SYNE1: variants seen among roughly 807,000 people sequenced by gnomAD.
SYNE1 encodes the protein nesprin-1.
Under a neutral mutation model 1,111.0 loss-of-function variants are expected in SYNE1, and 616 were observed. The observed-to-expected ratio is 0.55, with a 90% CI of 0.52 to 0.59. The LOEUF (loss-of-function observed/expected upper bound fraction) is 0.59, where lower values mean the gene tolerates loss of function less well. SYNE1 is among the 20% of genes least tolerant of loss of function. SYNE1 has a pLI of 0.00. For missense variants in SYNE1, 10,006 were observed against 10,417.0 expected, an observed-to-expected ratio of 0.96 and a Z score of 1.72; for synonymous variants, 3,855 against 3,825.8, an observed-to-expected ratio of 1.01 and a Z score of -0.28.
At chr6:152,326,793 T>TA (rs2096077530) in intron 78 of SYNE1, among the ~76,000 whole-genome samples, 160 bp from the exon 79 acceptor site, 1 of 152,236 alleles carries the variant, frequency 6.6e-6, no homozygotes, top group African/African-American at 2.4e-5. Flanking sequence ...GCCATCATCA[T>TA]TATCCTTGAT....
chr6:152,145,668 A>G (rs1563000689), intron 137 of SYNE1: 6 of 918,594 alleles, frequency 6.5e-6, no homozygotes, highest in Admixed American at 1.9e-5. Context: ...TTCTAGACAC[A>G]TAGCTCCTGA....
At chr6:152,552,090 A>G (rs1275186439) in intron 3 of SYNE1, among the ~76,000 whole-genome samples, 1 of 152,220 alleles carries the variant, frequency 6.6e-6, no homozygotes, top group East Asian at 1.9e-4. Context: ...TCCAATACCA[A>G]GAGTTTCAAC....
At chr6:152,363,449 G>C (rs549740763) in intron 63 of SYNE1, among the ~76,000 whole-genome samples, 3 of 150,832 alleles carry the variant, frequency 2.0e-5, no homozygotes, top group Non-Finnish European at 4.4e-5. Flanking sequence ...AGCCGAGATC[G>C]TGCCACTGCA....
rs576581618 is a variant in SYNE1, at chr6:152,419,412, T to G, written c.5421+157A>C. Among the ~76,000 whole-genome samples, 5 of 152,318 alleles carry G rather than the reference T, an allele frequency of 3.3e-5. No homozygotes were observed. The East Asian group carries it at 9.6e-4, about 29-fold the overall frequency. ...TAATTGGTCTGCATAATTCATTGCC[T>G]TAACTCATATGCTCAATTATTAAAA... is the stretch of plus-strand genomic sequence containing the variant. On this transcript the variant is annotated intron_variant, in intron 40 of 145. Coordinates refer to ENST00000367255, the MANE Select transcript of SYNE1 (RefSeq NM_182961.4).
At chr6:152,173,852 C>T (rs551440622) in intron 130 of SYNE1, among the ~76,000 whole-genome samples, 298 of 152,198 alleles carry the variant, frequency 2.0e-3, no homozygotes, top group African/African-American at 6.8e-3. Context: ...GCATGTGTAC[C>T]TTATAAACAT....
intron 130 of SYNE1, among the ~76,000 whole-genome samples, chr6:152,170,080 C>T (rs1257825183): frequency 1.3e-5 from 2 of 151,880 alleles, no homozygotes; most frequent in African/African-American, 4.8e-5. Context: ...GTCATAATTT[C>T]CTTAGTTTAA....
At position 152,352,060 on chromosome 6, in the gene SYNE1, T is replaced by C. The variant is rs762882750; in HGVS notation, c.11547A>G (p.Leu3849=). The stretch of plus-strand genomic sequence containing the variant: ...TAGATAACTGAGCTTTTTTCTCATA[T>C]AATTCCATTTTGGGTTCTTCAGGAA... ...LHVPEEPKME[L]YEKKAQLSKY... Residue 3849 remains leucine (L), a synonymous_variant, in exon 70 of 146, where the codon TTA becomes TTG. Transcript: ENST00000367255. The C allele has an allele frequency of 6.2e-7, 1 of 1,614,214 alleles. No individual in the cohort carries two copies. Among genetic ancestry groups the C allele is most frequent in the South Asian group, 1.1e-5 (1 of 91,080 alleles).
chr6:152,592,245 C>T (rs1401641291), intron 3 of SYNE1, among the ~76,000 whole-genome samples: 1 of 151,892 alleles, frequency 6.6e-6, no homozygotes, highest in East Asian at 1.9e-4. Context: ...TATCACTCTA[C>T]CAAAAAGACA....
chr6:152,353,526 A>G (rs1279265915), intron 68 of SYNE1, 63 bp downstream of exon 68: 1 of 1,613,602 alleles, frequency 6.2e-7, no homozygotes, highest in East Asian at 2.2e-5. Context: ...TGTTAGTGAA[A>G]GGAAGGCTAT....
At chr6:152,417,130 C>A (rs956946992) in intron 40 of SYNE1, 115 bp from the exon 41 acceptor site, 1 of 1,436,380 alleles carries the variant, frequency 7.0e-7, no homozygotes, top group Non-Finnish European at 9.6e-7. Flanking sequence ...TAGTATAGTA[C>A]TTAAAGGTCA....
intron 127 of SYNE1, among the ~76,000 whole-genome samples, chr6:152,191,943 T>G (rs1245561985): frequency 6.6e-6 from 1 of 152,222 alleles, no homozygotes; most frequent in East Asian, 1.9e-4. Flanking sequence ...GTATGTTGTG[T>G]TTCCATTATC....
chr6:152,337,061 A>G, intron 75 of SYNE1, 44 bp from the exon 76 acceptor site: 1 of 1,582,302 alleles, frequency 6.3e-7, no homozygotes, highest in Admixed American at 1.8e-5. Context: ...ATACATGGAA[A>G]CATTTATGGT....
chr6:152,558,515 G>A (rs929762419), intron 3 of SYNE1, among the ~76,000 whole-genome samples: 3 of 152,032 alleles, frequency 2.0e-5, no homozygotes, highest in Admixed American at 2.0e-4. Context: ...CCATGTAAAT[G>A]GTAACCAAAG....
In SYNE1 at chr6:152,397,764, G is replaced by T. The variant is rs373204681; in HGVS notation, c.7351-784C>A. 2.0e-5 allele frequency among the ~76,000 whole-genome samples: 3 copies of T among 152,118 alleles called. No homozygotes were observed. The East Asian group carries it at 5.8e-4, about 29-fold the overall frequency. ...ATGTTTGTAACTAGCACTTTGAGAG[G>T]CCAAGGCGGGTGGATCACCTGAGGT... is the stretch of plus-strand genomic sequence containing the variant. On this transcript the variant is annotated intron_variant, in intron 49 of 145. Coordinates refer to ENST00000367255, the MANE Select transcript of SYNE1 (RefSeq NM_182961.4).
intron 112 of SYNE1, 37 bp from the exon 113 acceptor site, chr6:152,232,302 A>C: frequency 6.2e-7 from 1 of 1,612,636 alleles, no homozygotes; most frequent in Non-Finnish European, 8.5e-7. Flanking sequence ...CCCAAGTGTT[A>C]AAATGGAAAC....
At chr6:152,418,560 T>A (rs149476434) in intron 40 of SYNE1, among the ~76,000 whole-genome samples, 1 of 152,346 alleles carries the variant, frequency 6.6e-6, no homozygotes, top group East Asian at 1.9e-4. Flanking sequence ...AATTTTTGAA[T>A]GTTTTCTGGT....
At chr6:152,635,193 AAATGAGGTC>A (rs2099704115) in intron 2 of SYNE1, among the ~76,000 whole-genome samples, 1 of 152,276 alleles carries the variant, frequency 6.6e-6, no homozygotes, top group Non-Finnish European at 1.5e-5. Flanking sequence ...AAGAGTTCTT[AAATGAGGTC>A]AATGAGGACA....
chr6:152,324,780 G>T (rs947612036), intron 81 of SYNE1, among the ~76,000 whole-genome samples: 1 of 152,200 alleles, frequency 6.6e-6, no homozygotes, highest in Non-Finnish European at 1.5e-5. Context: ...CAGCCTGGGC[G>T]ACAGAGGGAG....
At chr6:152,311,929 G>A (rs1301697760) in intron 87 of SYNE1, among the ~76,000 whole-genome samples, 4 of 151,856 alleles carry the variant, frequency 2.6e-5, no homozygotes, top group Non-Finnish European at 5.9e-5. Context: ...GCACCCAGGT[G>A]CCCGCCACCA....
Sources: gnomAD v4.1 joint callset for allele counts (sites outside exome capture counted in the v4.1 genomes callset) on GRCh38, gnomAD v4.1.1 for gene constraint, MANE v1.5 for transcripts, NCBI Gene and HGNC (gene_info 2026-07-23, HGNC 2026-07-21) for gene names.